The following KCNAB1 variants were observed in gnomAD, a reference collection of about 807,000 sequenced individuals.
KCNAB1 encodes potassium voltage-gated channel subfamily A regulatory beta subunit 1.
Under a neutral mutation model 64.6 loss-of-function variants are expected in KCNAB1, and 35 were observed. That is an observed-to-expected ratio of 0.54 (90% CI 0.41 to 0.72). KCNAB1 has a LOEUF of 0.72. KCNAB1 is among the 30% of genes least tolerant of loss of function. The pLI, the probability that KCNAB1 is intolerant of heterozygous loss-of-function variation, is 0.00. For synonymous variants in KCNAB1, 177 were observed against 183.8 expected (o/e 0.96, Z 0.30); for missense variants, 401 against 512.9 (o/e 0.78, Z 2.11).
chr3:156,291,543 T>C, intron 1 of KCNAB1: 1 of 1,130,334 alleles, frequency 8.8e-7, no homozygotes, highest in Non-Finnish European at 1.1e-6. Context: ...GCAGTCACCA[T>C]GAATGCTCAG....
At chr3:156,343,531 G>A (rs1342066572) in intron 1 of KCNAB1, among the ~76,000 whole-genome samples, 1 of 152,294 alleles carries the variant, frequency 6.6e-6, no homozygotes, top group Middle Eastern at 3.4e-3. Flanking sequence ...TTGGCCTTCC[G>A]AGTCAGGGCC....
At chr3:156,294,165 A>G (rs1720636282) in intron 1 of KCNAB1, among the ~76,000 whole-genome samples, 2 of 152,322 alleles carry the variant, frequency 1.3e-5, no homozygotes, top group South Asian at 4.1e-4. Flanking sequence ...ATGTTGAGTG[A>G]TAACTCTGCT....
chr3:156,249,414 A>G (rs1341070904), intron 1 of KCNAB1, among the ~76,000 whole-genome samples: 1 of 152,074 alleles, frequency 6.6e-6, no homozygotes, highest in African/African-American at 2.4e-5. Context: ...TCTACTAAAA[A>G]TACAAAAATT....
At chr3:156,364,659 T>C (rs1237241213) in intron 1 of KCNAB1, among the ~76,000 whole-genome samples, 2 of 152,088 alleles carry the variant, frequency 1.3e-5, no homozygotes, top group Non-Finnish European at 2.9e-5. Context: ...ATGCCTGTAA[T>C]CCAAGCTACT....
intron 1 of KCNAB1, among the ~76,000 whole-genome samples, chr3:156,272,730 A>C (rs1371396410): frequency 2.0e-5 from 3 of 151,982 alleles, no homozygotes. Flanking sequence ...CCTAAGCTGC[A>C]AGACAAAACC....
At chr3:156,186,788 C>A (rs1349602069) in intron 1 of KCNAB1, among the ~76,000 whole-genome samples, 3 of 151,974 alleles carry the variant, frequency 2.0e-5, no homozygotes, top group Admixed American at 6.6e-5. Flanking sequence ...TGAGCCCTCC[C>A]TCCCTTTTAT....
chr3:156,250,322 T>C (rs1481217480), intron 1 of KCNAB1, among the ~76,000 whole-genome samples: 1 of 152,172 alleles, frequency 6.6e-6, no homozygotes, highest in Non-Finnish European at 1.5e-5. Context: ...ATGATCCTAG[T>C]CAATTCTTCT....
intron 1 of KCNAB1, among the ~76,000 whole-genome samples, chr3:156,300,525 A>T (rs946329470): frequency 6.6e-6 from 1 of 152,218 alleles, no homozygotes; most frequent in African/African-American, 2.4e-5. Context: ...GTCAAAGTCT[A>T]GACTTTTCAG....
At chr3:156,239,628 T>C (rs1286031480) in intron 1 of KCNAB1, among the ~76,000 whole-genome samples, 1 of 152,226 alleles carries the variant, frequency 6.6e-6, no homozygotes, top group Non-Finnish European at 1.5e-5. Flanking sequence ...CCTGCAGTCC[T>C]TGGAGAGCCG....
At chr3:156,243,173 G>T (rs1375418999) in intron 1 of KCNAB1, among the ~76,000 whole-genome samples, 2 of 152,036 alleles carry the variant, frequency 1.3e-5, no homozygotes, top group Non-Finnish European at 2.9e-5. Context: ...CTCCCAAAGT[G>T]CTGGGATTAC....
At position 156,206,898 on chromosome 3, in the gene KCNAB1, G is replaced by GA. The variant is rs528626202; in HGVS notation, c.275+86018dup. Among the ~76,000 whole-genome samples the GA allele has an allele frequency of 2.9e-3, 442 of 152,194 alleles. 3 individuals are homozygous for GA. The highest frequency in any genetic ancestry group is 9.8e-3 in the African/African-American group (409 of 41,524). On this transcript the variant is annotated intron_variant, in intron 1 of 13. Coordinates refer to ENST00000490337, the MANE Select transcript of KCNAB1 (RefSeq NM_172160.3). The stretch of plus-strand genomic sequence containing the variant: ...CAGTAAAAGCAAAGGACTTACACAA[G>GA]AAAAAATCAGGAATTTCTGTTTCTC...
chr3:156,312,030 T>G (rs1440550826), intron 1 of KCNAB1, among the ~76,000 whole-genome samples: 1 of 152,230 alleles, frequency 6.6e-6, no homozygotes, highest in Non-Finnish European at 1.5e-5. Context: ...TTCGTTCTCC[T>G]GTTATCTATA....
chr3:156,153,998 T>C (rs1418974491), intron 1 of KCNAB1, among the ~76,000 whole-genome samples: 2 of 152,250 alleles, frequency 1.3e-5, no homozygotes, highest in Non-Finnish European at 2.9e-5. Context: ...TAGTTGTGTT[T>C]ATCTGGAAAA....
chr3:156,164,159 C>T (rs537309146), intron 1 of KCNAB1, among the ~76,000 whole-genome samples: 1 of 152,270 alleles, frequency 6.6e-6, no homozygotes, highest in East Asian at 1.9e-4. Flanking sequence ...CCTCCCTCCT[C>T]CCCTCTGCCT....
chr3:156,419,073 T>C (rs563280649), intron 1 of KCNAB1, among the ~76,000 whole-genome samples: 24 of 152,184 alleles, frequency 1.6e-4, no homozygotes, highest in Non-Finnish European at 3.4e-4. Flanking sequence ...TGTTTGGTCT[T>C]CAAAACCCAT....
Position 156,362,852 on chromosome 3 carries a change from T to C in KCNAB1, c.276-58764T>C, listed in dbSNP as rs527350344. Among the ~76,000 whole-genome samples, 5 of 152,368 alleles carry C rather than the reference T, an allele frequency of 3.3e-5. No homozygotes were observed. The South Asian group carries it at 6.2e-4, about 19-fold the overall frequency. On this transcript the variant is annotated intron_variant, in intron 1 of 13. Coordinates refer to ENST00000490337, the MANE Select transcript of KCNAB1 (RefSeq NM_172160.3). ...AAGTTATCTAAAGTATGGTCTTCTA[T>C]TGGTAAATTCATTAGGAATTAAACA...
intron 13 of KCNAB1, among the ~76,000 whole-genome samples, chr3:156,534,142 C>G (rs997512795): frequency 5.3e-5 from 8 of 152,120 alleles, no homozygotes; most frequent in Admixed American, 5.2e-4. Flanking sequence ...TGATTGGGCC[C>G]CACAACATGG....
rs16825964 is a variant in KCNAB1 at position 156,291,631 on chromosome 3, T to C, written c.276-129985T>C. 2.8e-3 allele frequency: 3,740 copies of C among 1,333,602 alleles called. 76 individuals are homozygous for C. The African/African-American group carries it at 0.047, about 17-fold the overall frequency. The allele number at this position is 1,333,602 out of a possible 1,614,324, so 82.6% of individuals were successfully genotyped here. On this transcript the variant is annotated intron_variant, in intron 1 of 13. Coordinates refer to ENST00000490337, the MANE Select transcript of KCNAB1 (RefSeq NM_172160.3). ...AGCCGAGATTACAGCCCGGGAAGAT[T>C]TGCAAACCTGATTCTCCCTCCAGCT...
At chr3:156,223,572 G>T (rs1417601418) in intron 1 of KCNAB1, among the ~76,000 whole-genome samples, 2 of 152,156 alleles carry the variant, frequency 1.3e-5, no homozygotes, top group African/African-American at 4.8e-5. Flanking sequence ...GGTGCTGATT[G>T]GTGCATTTAC....
Sources: allele counts gnomAD v4.1 joint callset (sites outside exome capture counted in the v4.1 genomes callset), GRCh38; gene constraint gnomAD v4.1.1; transcripts MANE v1.5; gene names NCBI Gene and HGNC (gene_info 2026-07-23, HGNC 2026-07-21).